PPFIBP1: variants seen among roughly 807,000 people sequenced by gnomAD.
The protein encoded by PPFIBP1 is liprin-beta-1.
A neutral mutation model predicts 137.8 loss-of-function variants in PPFIBP1; 112 were observed. The ratio of observed to expected loss-of-function variants is 0.81; its 90% CI spans 0.70 to 0.95. The LOEUF is 0.95. Among genes scored for constraint, PPFIBP1 ranks in the 40% least tolerant of loss-of-function variants. The pLI is 0.00. For missense variants in PPFIBP1, 1,083 were observed against 1,196.6 expected, an observed-to-expected ratio of 0.91 and a Z score of 1.40; for synonymous variants, 378 against 417.3, an observed-to-expected ratio of 0.91 and a Z score of 1.15.
intron 1 of PPFIBP1, among the ~76,000 whole-genome samples, chr12:27,527,179 T>C (rs1288350082): frequency 6.6e-6 from 1 of 152,222 alleles, no homozygotes. Flanking sequence ...ACTTTTCGTT[T>C]ATATCCCAAA....
chr12:27,632,908 CCTTTT>C (rs1454132740), intron 2 of PPFIBP1, among the ~76,000 whole-genome samples: 1 of 152,008 alleles, frequency 6.6e-6, no homozygotes, highest in Non-Finnish European at 1.5e-5. Flanking sequence ...GTTAGTGAAT[CCTTTT>C]CTTAGACAAA....
intron 1 of PPFIBP1, among the ~76,000 whole-genome samples, chr12:27,569,511 A>AATCTCACC (rs2136623020): frequency 6.6e-6 from 1 of 152,098 alleles, no homozygotes; most frequent in South Asian, 2.1e-4. Flanking sequence ...TCATTCTCAC[A>AATCTCACC]TGTTCCTACT....
At position 27,611,030 on chromosome 12, in the gene PPFIBP1, G is replaced by T. The variant is rs190888313; in HGVS notation, c.-35-22332G>T. On this transcript the variant is annotated intron_variant, in intron 2 of 29. Coordinates refer to ENST00000228425, the MANE Select transcript of PPFIBP1 (RefSeq NM_003622.4). ...GGACACTCTCTGGAGGTCATTGCCA[G>T]ATCTCTCAGCAGGAACAGAATTTGA... 4.6e-4 allele frequency among the ~76,000 whole-genome samples: 70 copies of T among 152,260 alleles called. 1 individual carries two copies. In the East Asian group the frequency reaches 6.7e-3, roughly 15 times the overall value.
chr12:27,685,741 G>T (rs1487354276), intron 24 of PPFIBP1, among the ~76,000 whole-genome samples: 1 of 152,102 alleles, frequency 6.6e-6, no homozygotes, highest in African/African-American at 2.4e-5. Flanking sequence ...TTAGTCAATT[G>T]TACATTAATT....
intron 6 of PPFIBP1, 47 bp from the exon 7 acceptor site, chr12:27,649,957 CGTGCCT>C: frequency 6.6e-7 from 1 of 1,515,840 alleles, no homozygotes; most frequent in Non-Finnish European, 9.0e-7. Context: ...GGTAAATTCA[CGTGCCT>C]GTTTATAATA....
intron 2 of PPFIBP1, chr12:27,593,887 G>T (rs1296634150): frequency 2.7e-6 from 4 of 1,482,696 alleles, no homozygotes; most frequent in Non-Finnish European, 2.7e-6. Flanking sequence ...GGAGAAAGTG[G>T]ATGGAAGGAC....
At chr12:27,530,799 T>G (rs1944332733) in intron 1 of PPFIBP1, among the ~76,000 whole-genome samples, 1 of 152,224 alleles carries the variant, frequency 6.6e-6, no homozygotes, top group Admixed American at 6.5e-5. Flanking sequence ...CTCTGTGAGC[T>G]TGCCTGTTAA....
At position 27,684,323 on chromosome 12, in the gene PPFIBP1, G is replaced by A. The variant is rs928116315; in HGVS notation, c.2247+1620G>A. On this transcript the variant is annotated intron_variant, in intron 24 of 29. Transcript: ENST00000228425. The stretch of plus-strand genomic sequence containing the variant: ...GGAGTTTCGCCATGTTGGCCAGGCT[G>A]GTCTGGAACTTCTGACCTCAGGAGA... Among the ~76,000 whole-genome samples the A allele has an allele frequency of 4.1e-5, 6 of 147,910 alleles. No individual in the cohort carries two copies. In the East Asian group the frequency reaches 1.2e-3, roughly 31 times the overall value.
In PPFIBP1 at chr12:27,688,429, G is replaced by A. The variant is rs1186867963; in HGVS notation, c.2496+6G>A. ...GTGTCCATGGTGGGCTCATGGTAAA[G>A]CTCTGATTTAATTTAAAATTGACTT... On this transcript the variant is annotated splice_donor_region_variant and intron_variant, in intron 26 of 29. Coordinates refer to ENST00000228425, the MANE Select transcript of PPFIBP1 (RefSeq NM_003622.4). 1.2e-6 allele frequency: 2 copies of A among 1,611,208 alleles called. No individual in the cohort carries two copies. The highest frequency in any genetic ancestry group is 2.2e-5 in the East Asian group (1 of 44,888).
intron 9 of PPFIBP1, among the ~76,000 whole-genome samples, chr12:27,658,358 C>T (rs991122180): frequency 6.6e-6 from 1 of 152,116 alleles, no homozygotes; most frequent in African/African-American, 2.4e-5. Flanking sequence ...TCACTGGACT[C>T]ATCTTACTGG....
intron 5 of PPFIBP1, 49 bp downstream of exon 5, chr12:27,646,197 C>A: frequency 6.9e-7 from 1 of 1,459,618 alleles, no homozygotes; most frequent in Non-Finnish European, 9.5e-7. Flanking sequence ...ACTTACAAAG[C>A]CTTTTAAATT....
At chr12:27,669,244 G>T (rs1326457220) in intron 13 of PPFIBP1, among the ~76,000 whole-genome samples, 2 of 152,102 alleles carry the variant, frequency 1.3e-5, no homozygotes, top group Non-Finnish European at 2.9e-5. Context: ...ATGTAGGAGA[G>T]GGCTGAAATA....
rs767142191 is a variant in PPFIBP1 at position 27,671,424 on chromosome 12, A to T, written c.1147-7A>T. On this transcript the variant is annotated splice_region_variant and splice_polypyrimidine_tract_variant and intron_variant, in intron 13 of 29. Transcript: ENST00000228425. Reference sequence around the variant, plus strand: ...TGATTGATTGATTTTTTGTAATTACATTACAGTTCCATACTACCATCTTGC... The same window carrying T: ...TGATTGATTGATTTTTTGTAATTACTTTACAGTTCCATACTACCATCTTGC... The T allele has an allele frequency of 3.4e-6, 5 of 1,480,812 alleles. No individual in the cohort carries two copies. The East Asian group carries it at 1.2e-4, about 35-fold the overall frequency. The allele number at this position is 1,480,812 out of a possible 1,614,324, so 91.7% of individuals were successfully genotyped here. A position where few individuals can be genotyped will look rare whatever the true frequency, so the allele number is the denominator to read the frequency against.
In PPFIBP1 at chr12:27,682,612, T is replaced by G. The variant is rs1271648597; in HGVS notation, c.2159-3T>G. ...GGTAGCAACACTGGCCTCTCTCTTT[T>G]AGGATGGTTGGATGACATTGGCCTC... On this transcript the variant is annotated splice_polypyrimidine_tract_variant and splice_region_variant and intron_variant, in intron 23 of 29. Coordinates refer to ENST00000228425, the MANE Select transcript of PPFIBP1 (RefSeq NM_003622.4). 1.2e-6 allele frequency: 2 copies of G among 1,614,148 alleles called. No homozygotes were observed. Among genetic ancestry groups the G allele is most frequent in the South Asian group, 2.2e-5 (2 of 91,080 alleles).
chr12:27,548,535 T>C (rs1946449567), intron 1 of PPFIBP1: 1 of 152,252 alleles, frequency 6.6e-6, no homozygotes, highest in Admixed American at 6.5e-5. Context: ...AAAACTGGCA[T>C]GGTTTGTTGT....
intron 14 of PPFIBP1, among the ~76,000 whole-genome samples, chr12:27,672,008 C>T (rs1171933482): frequency 6.6e-6 from 1 of 151,852 alleles, no homozygotes; most frequent in African/African-American, 2.4e-5. Flanking sequence ...GAAGCGGAGG[C>T]TGAAGTGAGC....
intron 1 of PPFIBP1, among the ~76,000 whole-genome samples, chr12:27,570,874 C>G (rs1312556127): frequency 2.0e-5 from 3 of 152,004 alleles, no homozygotes; most frequent in African/African-American, 7.3e-5. Context: ...GATGGCACCA[C>G]TGCACTCTAG....
rs2135630878 is a variant in PPFIBP1, at chr12:27,524,308, C to G, written c.-181C>G. 6.5e-6 allele frequency: 1 copy of G among 153,260 alleles called. No individual in the cohort carries two copies. The highest frequency in any genetic ancestry group is 1.5e-5 in the Non-Finnish European group (1 of 68,836). 9.5% of individuals were successfully genotyped at this position (153,260 alleles called of 1,614,324 possible). A position where few individuals can be genotyped will look rare whatever the true frequency, so the allele number is the denominator to read the frequency against. ...GGCCGGAGTGCTGGGGCTTTGAACT[C>G]CGAGAGGAGGTGGACCAGAACTTTT... On this transcript the variant is annotated 5_prime_UTR_variant, in exon 1 of 30. Coordinates refer to ENST00000228425, the MANE Select transcript of PPFIBP1 (RefSeq NM_003622.4).
In PPFIBP1 at chr12:27,619,558, G is replaced by A. The variant is rs1009723971; in HGVS notation, c.-35-13804G>A. Among the ~76,000 whole-genome samples the A allele has an allele frequency of 1.2e-4, 19 of 152,286 alleles. 1 individual carries two copies. Among genetic ancestry groups the A allele is most frequent in the African/African-American group, 3.4e-4 (14 of 41,552 alleles). On this transcript the variant is annotated intron_variant, in intron 2 of 29. Transcript: ENST00000228425. The stretch of plus-strand genomic sequence containing the variant: ...CCTGTTTCCTTCCTTTGATGGATGA[G>A]GGAAATGCTGTCATACTCAGAAGTT...
Sources: gnomAD v4.1 joint callset for allele counts (sites outside exome capture counted in the v4.1 genomes callset) on GRCh38, gnomAD v4.1.1 for gene constraint, MANE v1.5 for transcripts, NCBI Gene and HGNC (gene_info 2026-07-23, HGNC 2026-07-21) for gene names.